PTPRS: variants seen among roughly 807,000 people sequenced by gnomAD.
The protein encoded by PTPRS is protein tyrosine phosphatase receptor type S.
PTPRS carries 63 observed loss-of-function variants against 215.3 expected under a neutral mutation model. That is an observed-to-expected ratio of 0.29 (90% CI 0.24 to 0.36). The LOEUF is 0.36. Ranked by LOEUF, PTPRS falls within the 10% of genes least tolerant of loss-of-function variation. PTPRS has a pLI of 1.00. For missense variants in PTPRS, 2,258 were observed against 2,825.8 expected (o/e 0.80, Z 4.56); for synonymous variants, 1,404 against 1,191.4 (o/e 1.18, Z -3.68).
intron 4 of PTPRS, among the ~76,000 whole-genome samples, chr19:5,267,755 A>C (rs1403490530): frequency 6.7e-6 from 1 of 150,264 alleles, no homozygotes; most frequent in Non-Finnish European, 1.5e-5. Context: ...AAGTGACAAA[A>C]AAGTGACAAA....
At chr19:5,238,361 G>A (rs148888816) in intron 13 of PTPRS, among the ~76,000 whole-genome samples, 219 of 152,224 alleles carry the variant, frequency 1.4e-3, no homozygotes, top group African/African-American at 4.8e-3. Flanking sequence ...ACCTGGCCTC[G>A]GCTCCGATTC....
chr19:5,259,256 C>G (rs2045803356), intron 7 of PTPRS, among the ~76,000 whole-genome samples: 2 of 152,206 alleles, frequency 1.3e-5, no homozygotes, highest in South Asian at 4.2e-4. Context: ...GACTGATTTC[C>G]CCTCAATACA....
intron 4 of PTPRS, among the ~76,000 whole-genome samples, chr19:5,271,131 G>T (rs1165361010): frequency 6.6e-6 from 1 of 152,180 alleles, no homozygotes; most frequent in African/African-American, 2.4e-5. Flanking sequence ...ACATGCAGGG[G>T]TCACCTCCCA....
chr19:5,309,970 CCTCCCT>C (rs903548963), intron 1 of PTPRS, among the ~76,000 whole-genome samples: 8 of 152,202 alleles, frequency 5.3e-5, no homozygotes, highest in Admixed American at 2.0e-4. Context: ...CTGGCTCCCA[CCTCCCT>C]CAGAGTAAAC....
chr19:5,249,298 G>A (rs576793087), intron 9 of PTPRS, among the ~76,000 whole-genome samples: 481 of 152,302 alleles, frequency 3.2e-3, no homozygotes, highest in Non-Finnish European at 4.6e-3. Context: ...GTGACAGAGC[G>A]AGACTCCATC....
At chr19:5,289,354 G>T (rs2048623334) in intron 1 of PTPRS, among the ~76,000 whole-genome samples, 1 of 152,128 alleles carries the variant, frequency 6.6e-6, no homozygotes, top group Non-Finnish European at 1.5e-5. Flanking sequence ...CACCGACCTG[G>T]ACAGATGTCG....
intron 1 of PTPRS, among the ~76,000 whole-genome samples, chr19:5,288,740 G>A (rs1305591847): frequency 1.3e-5 from 2 of 152,220 alleles, no homozygotes; most frequent in Non-Finnish European, 2.9e-5. Context: ...CTTGCACAGA[G>A]AGCCCAGGTG....
intron 1 of PTPRS, among the ~76,000 whole-genome samples, chr19:5,315,351 G>GTTTTTTTTTTTTT (rs952833168): frequency 1.3e-5 from 1 of 79,802 alleles, no homozygotes; most frequent in South Asian, 4.6e-4. Context: ...TTTGAAAAGG[G>GTTTTTTTTTTTTT]TTTTTTTTTT....
At chr19:5,298,078 G>C (rs1028407096) in intron 1 of PTPRS, among the ~76,000 whole-genome samples, 1 of 152,144 alleles carries the variant, frequency 6.6e-6, no homozygotes, top group Non-Finnish European at 1.5e-5. Context: ...ACAGGCGTGA[G>C]CCACAGCGCC....
chr19:5,232,757 A>ATTGTGG (rs1208002167), intron 13 of PTPRS, among the ~76,000 whole-genome samples: 3 of 80,756 alleles, frequency 3.7e-5, no homozygotes, highest in Admixed American at 1.2e-4. Flanking sequence ...GCACCTACTA[A>ATTGTGG]TAATTGTGGT....
At chr19:5,306,745 G>A (rs1164136876) in intron 1 of PTPRS, among the ~76,000 whole-genome samples, 1 of 152,156 alleles carries the variant, frequency 6.6e-6, no homozygotes, top group East Asian at 1.9e-4. Context: ...CAGCTGGGGT[G>A]GAAGGTCGGG....
At position 5,206,765 on chromosome 19, in the gene PTPRS, A is replaced by C. The variant is rs1300773564; in HGVS notation, c.*9T>G. The C allele has an allele frequency of 6.2e-7, 1 of 1,612,762 alleles. No homozygotes were observed. Among genetic ancestry groups the C allele is most frequent in the Non-Finnish European group, 8.5e-7 (1 of 1,179,032 alleles). On this transcript the variant is annotated 3_prime_UTR_variant, in exon 38 of 38. Transcript: ENST00000262963. ...GCCAGTGGTGTCGGGCCTGGGGGGAACCATGGCTTTAGGTTGCATAGTGGT... is the reference window on the plus strand; with the variant it reads ...GCCAGTGGTGTCGGGCCTGGGGGGACCCATGGCTTTAGGTTGCATAGTGGT...
chr19:5,230,999 C>T (rs1395041327), intron 14 of PTPRS, among the ~76,000 whole-genome samples: 1 of 152,192 alleles, frequency 6.6e-6, no homozygotes, highest in Non-Finnish European at 1.5e-5. Context: ...GTTGCAGGTG[C>T]TATTTGCCAC....
In PTPRS at chr19:5,213,426, C is replaced by A. The variant is rs191153966; in HGVS notation, c.4614+935G>T. Among the ~76,000 whole-genome samples the A allele has an allele frequency of 1.4e-4, 22 of 152,362 alleles. No homozygotes were observed. In the South Asian group the frequency reaches 4.1e-3, roughly 29 times the overall value. On this transcript the variant is annotated intron_variant, in intron 30 of 37. Transcript: ENST00000262963. ...CACCCTCTTACCTGAAATGCTGTCC[C>A]CCCAAATCTCCCCATCATACCCTCT...
chr19:5,228,347 GAAAA>G (rs71170899), intron 16 of PTPRS, among the ~76,000 whole-genome samples: 5 of 105,886 alleles, frequency 4.7e-5, no homozygotes, highest in African/African-American at 8.6e-5. Flanking sequence ...TCCGTCTGGA[GAAAA>G]AAAAAAAAAA....
rs188143800 is a variant in PTPRS at position 5,224,618 on chromosome 19, G to T, written c.2494+1109C>A. On this transcript the variant is annotated intron_variant, in intron 17 of 37. Transcript: ENST00000262963. ...TGCAGGACTTATCAGGGCCTTGAAT[G>T]GACTGCTATGAATACCCAGGGTGGT... 1.1e-3 allele frequency among the ~76,000 whole-genome samples: 173 copies of T among 152,334 alleles called. 1 individual carries two copies. Among genetic ancestry groups the T allele is most frequent in the African/African-American group, 4.0e-3 (166 of 41,572 alleles).
intron 9 of PTPRS, among the ~76,000 whole-genome samples, chr19:5,252,703 G>C (rs1183591464): frequency 6.6e-6 from 1 of 150,898 alleles, no homozygotes; most frequent in Non-Finnish European, 1.5e-5. Context: ...GCAAAACCCT[G>C]TCTCTAATAA....
At chr19:5,211,944 C>A in intron 32 of PTPRS, 21 bp downstream of exon 32, 6 of 1,566,414 alleles carry the variant, frequency 3.8e-6, no homozygotes, top group South Asian at 1.2e-5. Context: ...CCGCCCACAG[C>A]AGCCTCCACC....
chr19:5,216,501 A>C (rs989956444), intron 26 of PTPRS, among the ~76,000 whole-genome samples: 1 of 151,834 alleles, frequency 6.6e-6, no homozygotes, highest in African/African-American at 2.4e-5. Context: ...CATCCCTGAC[A>C]CACACATACA....
Sources: allele counts gnomAD v4.1 joint callset (sites outside exome capture counted in the v4.1 genomes callset), GRCh38; gene constraint gnomAD v4.1.1; transcripts MANE v1.5; gene names NCBI Gene and HGNC (gene_info 2026-07-23, HGNC 2026-07-21).